Variants in GPATCH8 observed in about 807,000 individuals in gnomAD.
GPATCH8 encodes G-patch domain containing 8.
GPATCH8 carries 18 observed loss-of-function variants against 118.3 expected under a neutral mutation model. That is an observed-to-expected ratio of 0.15 (90% CI 0.11 to 0.23). GPATCH8 has a LOEUF of 0.23. Among genes scored for constraint, GPATCH8 ranks in the 10% least tolerant of loss-of-function variants. The pLI, the probability that GPATCH8 is intolerant of heterozygous loss-of-function variation, is 1.00. For synonymous variants in GPATCH8, 659 were observed against 684.7 expected (o/e 0.96, Z 0.59); for missense variants, 1,631 against 1,873.8 (o/e 0.87, Z 2.39).
intron 1 of GPATCH8, among the ~76,000 whole-genome samples, chr17:44,497,783 T>G (rs931609504): frequency 6.7e-6 from 1 of 150,140 alleles, no homozygotes; most frequent in Non-Finnish European, 1.5e-5. Context: ...CTAAAAAAAG[T>G]ACAAAACTTA....
chr17:44,452,045 C>A (rs956537422), intron 3 of GPATCH8, among the ~76,000 whole-genome samples: 7 of 151,912 alleles, frequency 4.6e-5, no homozygotes, highest in Admixed American at 4.6e-4. Context: ...CCGATTCGGG[C>A]GGATTGCCCG....
At position 44,503,344 on chromosome 17, in the gene GPATCH8, G is replaced by C; in HGVS notation, c.27C>G (p.Asn9Lys). The C allele has an allele frequency of 6.2e-7, 1 of 1,610,886 alleles. No individual in the cohort carries two copies. Among genetic ancestry groups the C allele is most frequent in the South Asian group, 1.1e-5 (1 of 90,140 alleles). MADRFSRF[N>K]EDRDFQGNHF... ...TGTTTACCTGAAAGTCTCGGTCTTC[G>C]TTGAAGCGGGAGAAGCGGTCCGCCA... The change falls in exon 1 of 8, where the codon AAC (asparagine) becomes AAG (lysine). Residue 9 changes from asparagine (N) to lysine (K), a missense_variant. Asn to Lys is a moderately conservative substitution (Grantham distance 94). Around this residue, in one of 8 missense-constraint regions of GPATCH8, gnomAD observed 28 missense variants for 33.9 expected, o/e 0.83. Transcript: ENST00000591680.
chr17:44,493,636 T>C (rs966797086), intron 1 of GPATCH8, among the ~76,000 whole-genome samples: 10 of 152,124 alleles, frequency 6.6e-5, no homozygotes, highest in Admixed American at 5.9e-4. Flanking sequence ...ACCTGTAGTC[T>C]CAGCTACTAG....
At position 44,428,053 on chromosome 17, in the gene GPATCH8, A is replaced by G. The variant is rs527329452; in HGVS notation, c.349-3561T>C. ...TTCCAGCACTTTGGGAGGCCGAGGC[A>G]GGCGGATTACCTGAGCTCAAGAGTT... is the stretch of plus-strand genomic sequence containing the variant. On this transcript the variant is annotated intron_variant, in intron 5 of 7. Transcript: ENST00000591680. 9.7e-4 allele frequency among the ~76,000 whole-genome samples: 146 copies of G among 151,156 alleles called. 1 individual carries two copies. The highest frequency in any genetic ancestry group is 1.8e-3 in the Non-Finnish European group (122 of 67,518).
At chr17:44,460,998 A>G (rs545404542) in intron 3 of GPATCH8, among the ~76,000 whole-genome samples, 12 of 152,294 alleles carry the variant, frequency 7.9e-5, no homozygotes, top group African/African-American at 2.9e-4. Context: ...AACAAACTCA[A>G]TTCTTAATGT....
chr17:44,481,807 G>C (rs1397641459), intron 1 of GPATCH8, among the ~76,000 whole-genome samples: 1 of 152,072 alleles, frequency 6.6e-6, no homozygotes, highest in Admixed American at 6.6e-5. Context: ...GCAGTTATAA[G>C]AATCTATAAA....
At chr17:44,422,806 T>C (rs1030995949) in intron 6 of GPATCH8, among the ~76,000 whole-genome samples, 1 of 151,930 alleles carries the variant, frequency 6.6e-6, no homozygotes, top group African/African-American at 2.4e-5. Flanking sequence ...TATAAATACT[T>C]TGAAAAACTG....
intron 5 of GPATCH8, among the ~76,000 whole-genome samples, chr17:44,432,766 C>T (rs2050365585): frequency 6.6e-6 from 1 of 152,086 alleles, no homozygotes; most frequent in Non-Finnish European, 1.5e-5. Flanking sequence ...GAAAAAAGAC[C>T]ATGGTCAGAT....
chr17:44,489,761 G>A (rs1969094467), intron 1 of GPATCH8, among the ~76,000 whole-genome samples: 3 of 152,206 alleles, frequency 2.0e-5, no homozygotes, highest in African/African-American at 7.2e-5. Flanking sequence ...AATGATAGTA[G>A]TGGTGATATT....
intron 3 of GPATCH8, among the ~76,000 whole-genome samples, chr17:44,455,302 G>A (rs2051286451): frequency 6.6e-6 from 1 of 152,076 alleles, no homozygotes; most frequent in Non-Finnish European, 1.5e-5. Context: ...GGGAGTTCGA[G>A]ACCAGCCTGA....
At chr17:44,463,772 T>C (rs2051653907) in intron 3 of GPATCH8, among the ~76,000 whole-genome samples, 1 of 152,230 alleles carries the variant, frequency 6.6e-6, no homozygotes, top group Admixed American at 6.5e-5. Context: ...GAGAACGCAG[T>C]TGGTTGGTTT....
intron 1 of GPATCH8, among the ~76,000 whole-genome samples, chr17:44,477,499 T>C (rs1218133692): frequency 6.6e-6 from 1 of 151,874 alleles, no homozygotes; most frequent in Non-Finnish European, 1.5e-5. Context: ...TCTTGACCAG[T>C]TGGAACTACA....
chr17:44,401,223 A>C lies in GPATCH8; in HGVS notation c.854T>G (p.Phe285Cys). Reference protein sequence around the residue: ...APGLASQGISFGIKNNLGTPL... With the variant: ...APGLASQGISCGIKNNLGTPL... ...GGTCCCCAGATTATTCTTAATGCCA[A>C]AGCTGATGCCTTGGGAGGCTAACCC... Residue 285 changes from phenylalanine to cysteine, a missense_variant, in exon 8 of 8, where the codon TTT (phenylalanine) becomes TGT (cysteine). By Grantham distance (205) the Phe-to-Cys change is radical. Around this residue, in one of 8 missense-constraint regions of GPATCH8, gnomAD observed 405 missense variants for 462.7 expected, o/e 0.88. Coordinates refer to ENST00000591680, the MANE Select transcript of GPATCH8 (RefSeq NM_001002909.4). 6.2e-7 allele frequency: 1 copy of C among 1,614,138 alleles called. No individual in the cohort carries two copies. The highest frequency in any genetic ancestry group is 8.5e-7 in the Non-Finnish European group (1 of 1,179,970).
Position 44,398,929 on chromosome 17 carries a change from T to G in GPATCH8, c.3148A>C (p.Lys1050Gln). The G allele has an allele frequency of 6.2e-7, 1 of 1,614,176 alleles. No individual in the cohort carries two copies. The highest frequency in any genetic ancestry group is 1.7e-5 in the Admixed American group (1 of 60,026). ...RSGRGEGPGK[K>Q]DDGRGDDSKA... ...CTGTCATCTCCTCTGCCATCATCTT[T>G]CTTCCCAGGACCTTCTCCCCGGCCT... Residue 1050 changes from lysine (K) to glutamine (Q), a missense_variant, in exon 8 of 8, where the codon AAA (lysine) becomes CAA (glutamine). Lys to Gln is a moderately conservative substitution (Grantham distance 53). Transcript: ENST00000591680.
chr17:44,433,249 T>TA, intron 5 of GPATCH8, among the ~76,000 whole-genome samples: 1 of 152,264 alleles, frequency 6.6e-6, no homozygotes, highest in East Asian at 1.9e-4. Context: ...ACTTGAAAAA[T>TA]AAAAATGTAT....
intron 3 of GPATCH8, among the ~76,000 whole-genome samples, chr17:44,442,097 G>A (rs1169355937): frequency 1.1e-4 from 12 of 108,470 alleles, no homozygotes; most frequent in East Asian, 5.2e-4. Flanking sequence ...ATATGTATAC[G>A]TATATATATA....
In GPATCH8 at chr17:44,396,911, A is replaced by C; in HGVS notation, c.*657T>G. On this transcript the variant is annotated 3_prime_UTR_variant, in exon 8 of 8. Transcript: ENST00000591680. ...TAGGATCTTCTTTTCTGGGATATGG[A>C]GATGCCTCTTCTGGGATGAGGGATA... The C allele has an allele frequency of 2.2e-6, 1 of 454,146 alleles. No homozygotes were observed. Among genetic ancestry groups the C allele is most frequent in the Non-Finnish European group, 4.4e-6 (1 of 226,784 alleles). The allele number at this position is 454,146 out of a possible 1,614,324, so 28.1% of individuals were successfully genotyped here. A position where few individuals can be genotyped will look rare whatever the true frequency, so the allele number is the denominator to read the frequency against.
chr17:44,490,670 G>C (rs1439496818), intron 1 of GPATCH8, among the ~76,000 whole-genome samples: 1 of 148,886 alleles, frequency 6.7e-6, no homozygotes, highest in Non-Finnish European at 1.5e-5. Flanking sequence ...AAAAAAAAAA[G>C]TATTAGATTT....
chr17:44,418,694 G>A (rs763843847), intron 6 of GPATCH8, among the ~76,000 whole-genome samples: 39 of 152,110 alleles, frequency 2.6e-4, no homozygotes, highest in Middle Eastern at 3.4e-3. Context: ...CTTGTGATCC[G>A]CCAGCCTCGG....
Sources: allele counts gnomAD v4.1 joint callset (sites outside exome capture counted in the v4.1 genomes callset), GRCh38; gene constraint gnomAD v4.1.1; regional missense constraint gnomAD v4.1.1; transcripts MANE v1.5; gene names NCBI Gene and HGNC (gene_info 2026-07-23, HGNC 2026-07-21).